MPP2: variants seen among roughly 807,000 people sequenced by gnomAD.
The protein encoded by MPP2 is MAGUK p55 scaffold protein 2, also known as MAGUK p55 subfamily member 2.
Under a neutral mutation model 58.5 loss-of-function variants are expected in MPP2, and 42 were observed. That is an observed-to-expected ratio of 0.72 (90% CI 0.56 to 0.93). The LOEUF (loss-of-function observed/expected upper bound fraction) is 0.93. Ranked by LOEUF, MPP2 falls within the 40% of genes least tolerant of loss-of-function variation. The pLI, the probability that MPP2 is intolerant of heterozygous loss-of-function variation, is 0.00. For synonymous variants in MPP2, 300 were observed against 307.8 expected, an observed-to-expected ratio of 0.97 and a Z score of 0.26; for missense variants, 632 against 760.4, an observed-to-expected ratio of 0.83 and a Z score of 1.99.
chr17:43,880,913 C>A lies in MPP2; in HGVS notation c.989-61G>T. ...CACGGTGAGGGAGGGGCGGAGCTCT[C>A]AGGGAGGCTGAGGGCAAGAGGGCTT... On this transcript the variant is annotated intron_variant, in intron 9 of 12. Coordinates refer to ENST00000269095, the MANE Select transcript of MPP2 (RefSeq NM_005374.5). This position sits in a 1 kb window ranked among gnomAD's most constrained non-coding sequence, Gnocchi z 5.2. 1 of 1,563,852 alleles carries A rather than the reference C, an allele frequency of 6.4e-7. No individual in the cohort carries two copies. Among genetic ancestry groups the A allele is most frequent in the Non-Finnish European group, 8.7e-7 (1 of 1,152,766 alleles).
At chr17:43,878,460 T>C (rs1009184102) in intron 12 of MPP2, among the ~76,000 whole-genome samples, 2 of 152,076 alleles carry the variant, frequency 1.3e-5, no homozygotes, top group African/African-American at 4.8e-5. Flanking sequence ...CTCGACCCAG[T>C]GGAAGCTGGA....
At chr17:43,889,423 C>T (rs190796834) in intron 3 of MPP2, among the ~76,000 whole-genome samples, 2 of 148,950 alleles carry the variant, frequency 1.3e-5, no homozygotes, top group Non-Finnish European at 3.0e-5. Context: ...AGTGCAATGG[C>T]ACAATCTCGG....
In MPP2 at chr17:43,880,072, G is replaced by A. The variant is rs1027492699; in HGVS notation, c.1151-88C>T. On this transcript the variant is annotated intron_variant, in intron 10 of 12. Coordinates refer to ENST00000269095, the MANE Select transcript of MPP2 (RefSeq NM_005374.5). The surrounding 1 kb of genome is among the most constrained non-coding windows in gnomAD (Gnocchi z 5.2). The stretch of plus-strand genomic sequence containing the variant: ...TATATGCACCCCTACCCAGGCCCCC[G>A]TTTCCCAGCCTTGGAGGTGCAGTCT... 5.7e-5 allele frequency: 75 copies of A among 1,318,602 alleles called. No individual in the cohort carries two copies. The highest frequency in any genetic ancestry group is 6.7e-5 in the Non-Finnish European group (63 of 939,778). 81.7% of individuals were successfully genotyped at this position (1,318,602 alleles called of 1,614,324 possible). A position where few individuals can be genotyped will look rare whatever the true frequency, so the allele number is the denominator to read the frequency against.
chr17:43,907,522 C>G lies in MPP2; in HGVS notation c.-82G>C, dbSNP rs1305662537. On this transcript the variant is annotated 5_prime_UTR_variant, in exon 1 of 13. Coordinates refer to ENST00000269095, the MANE Select transcript of MPP2 (RefSeq NM_005374.5). Reference sequence around the variant, plus strand: ...TCCGGGCGGCTCCAGCGCAGCCGGGCGCTCAGCGTTTATTGCTTGTCAATC... The same window carrying G: ...TCCGGGCGGCTCCAGCGCAGCCGGGGGCTCAGCGTTTATTGCTTGTCAATC... The G allele has an allele frequency of 1.0e-6, 1 of 985,400 alleles. No individual in the cohort carries two copies. Among genetic ancestry groups the G allele is most frequent in the African/African-American group, 1.7e-5 (1 of 57,256 alleles). The allele number at this position is 985,400 out of a possible 1,614,324, so 61.0% of individuals were successfully genotyped here.
In MPP2 at chr17:43,882,287, G is replaced by A. The variant is rs770281050; in HGVS notation, c.678C>T (p.Arg226=). The change falls in exon 6 of 13, where the codon CGC becomes CGT. Residue 226 remains arginine (R), a synonymous_variant. Coordinates refer to ENST00000269095, the MANE Select transcript of MPP2 (RefSeq NM_005374.5). ...TTGTGCTGGGTGAGGGGCCCACCTG[G>A]CGGGGCAGATGGGGCTCCTGGTAGC... ...LPSYQEPHLP[R]QVFVKCHFDY... is the part of the protein sequence containing the mutation. The A allele has an allele frequency of 1.2e-6, 2 of 1,609,290 alleles. No homozygotes were observed. The highest frequency in any genetic ancestry group is 2.2e-5 in the South Asian group (2 of 91,032).
chr17:43,881,571 A>G lies in MPP2; in HGVS notation c.700T>C (p.Phe234Leu). The G allele has an allele frequency of 1.2e-6, 2 of 1,613,626 alleles. No homozygotes were observed. Among genetic ancestry groups the G allele is most frequent in the Non-Finnish European group, 1.7e-6 (2 of 1,179,782 alleles). ...LPRQVFVKCH[F>L]DYDPARDSLI... ...CTGTCTCGGGCCGGGTCATAGTCAAAGTGACATTTCACAAATACCTGGGCC... is the reference window on the plus strand; with the variant it reads ...CTGTCTCGGGCCGGGTCATAGTCAAGGTGACATTTCACAAATACCTGGGCC... Residue 234 changes from phenylalanine to leucine, a missense_variant, in exon 7 of 13, where the codon TTT becomes CTT. Phe to Leu is a conservative substitution (Grantham distance 22). Coordinates refer to ENST00000269095, the MANE Select transcript of MPP2 (RefSeq NM_005374.5).
intron 3 of MPP2, among the ~76,000 whole-genome samples, chr17:43,895,248 G>A (rs964694869): frequency 6.6e-6 from 1 of 151,966 alleles, no homozygotes; most frequent in Non-Finnish European, 1.5e-5. Flanking sequence ...TGAGTAGTTG[G>A]GACTACAGGT....
chr17:43,906,284 A>C, intron 1 of MPP2: 2 of 275,228 alleles, frequency 7.3e-6, no homozygotes, highest in Non-Finnish European at 1.1e-5. Context: ...TTGCTCCCCC[A>C]CGCCCGTCCA....
chr17:43,907,268 AT>A (rs1446321206), intron 1 of MPP2: 1 of 984,894 alleles, frequency 1.0e-6, no homozygotes, highest in Non-Finnish European at 1.2e-6. Context: ...ACCAGTGTCA[AT>A]GGGCAGCGGG....
intron 5 of MPP2, 38 bp from the exon 6 acceptor site, chr17:43,882,549 G>T: frequency 6.3e-7 from 1 of 1,582,396 alleles, no homozygotes; most frequent in Non-Finnish European, 8.6e-7. Context: ...GGCCCCAATT[G>T]CTCCAAGTCA....
chr17:43,900,093 A>C (rs1485293422), intron 2 of MPP2, among the ~76,000 whole-genome samples: 3 of 152,174 alleles, frequency 2.0e-5, no homozygotes, highest in Non-Finnish European at 4.4e-5. Flanking sequence ...GAGATGGTTC[A>C]GGGACTCCTG....
At chr17:43,878,930 C>CCAAGCT (rs1240751683) in intron 12 of MPP2, among the ~76,000 whole-genome samples, 6 of 152,192 alleles carry the variant, frequency 3.9e-5, no homozygotes, top group Admixed American at 1.3e-4. Context: ...TGTAAGCAAC[C>CCAAGCT]CAAGCTCACC....
At chr17:43,896,059 T>C (rs1291091961) in intron 3 of MPP2, among the ~76,000 whole-genome samples, 1 of 152,070 alleles carries the variant, frequency 6.6e-6, no homozygotes, top group Admixed American at 6.6e-5. Flanking sequence ...TGGGACGTGG[T>C]CCTCCACATC....
At position 43,883,992 on chromosome 17, in the gene MPP2, A is replaced by C; in HGVS notation, c.151-637T>G. 4.6e-6 allele frequency: 3 copies of C among 658,836 alleles called. No individual in the cohort carries two copies. The South Asian group carries it at 5.2e-5, about 11-fold the overall frequency. The allele number at this position is 658,836 out of a possible 1,614,324, so 40.8% of individuals were successfully genotyped here. On this transcript the variant is annotated intron_variant, in intron 3 of 12. Transcript: ENST00000269095. ...GAGTGTTAGGTTAGATGGGTCAGGAAGAAAAGAATTCCATTTCAATAATAT... is the reference window on the plus strand; with the variant it reads ...GAGTGTTAGGTTAGATGGGTCAGGACGAAAAGAATTCCATTTCAATAATAT...
At chr17:43,878,070 C>G in intron 12 of MPP2, 87 bp from the exon 13 acceptor site, 1 of 1,429,196 alleles carries the variant, frequency 7.0e-7, no homozygotes, top group Non-Finnish European at 9.4e-7. Context: ...CCCCACTCCC[C>G]CTCCCCAAAG....
intron 12 of MPP2, among the ~76,000 whole-genome samples, chr17:43,878,775 A>G (rs2046964512): frequency 6.6e-6 from 1 of 152,188 alleles, no homozygotes; most frequent in Non-Finnish European, 1.5e-5. Flanking sequence ...GCGCAGCAAG[A>G]CATAGGAAGG....
At chr17:43,878,267 ATTCT>A (rs1348764356) in intron 12 of MPP2, among the ~76,000 whole-genome samples, 6 of 152,250 alleles carry the variant, frequency 3.9e-5, no homozygotes, top group Non-Finnish European at 7.3e-5. Context: ...GATAGGATTA[ATTCT>A]TTCCCATTTA....
At position 43,880,110 on chromosome 17, in the gene MPP2, G is replaced by A. The variant is rs1396655511; in HGVS notation, c.1151-126C>T. ...GGAGGTGCAGTCTGCTCCCCATCTT[G>A]CCAGCACTGCTGCCTTTGCACACAC... On this transcript the variant is annotated intron_variant, in intron 10 of 12. Transcript: ENST00000269095. The surrounding 1 kb of genome is among the most constrained non-coding windows in gnomAD (Gnocchi z 5.2). The A allele has an allele frequency of 9.6e-6, 8 of 835,796 alleles. No individual in the cohort carries two copies. The highest frequency in any genetic ancestry group is 1.7e-5 in the African/African-American group (1 of 59,504). The allele number at this position is 835,796 out of a possible 1,614,324, so 51.8% of individuals were successfully genotyped here. A position where few individuals can be genotyped will look rare whatever the true frequency, so the allele number is the denominator to read the frequency against.
intron 3 of MPP2, 148 bp from the exon 4 acceptor site, chr17:43,883,503 C>T: frequency 1.3e-6 from 1 of 779,960 alleles, no homozygotes; most frequent in Non-Finnish European, 2.0e-6. Flanking sequence ...CAATCATACC[C>T]ACACGTGCAC....
Sources: allele counts gnomAD v4.1 joint callset (sites outside exome capture counted in the v4.1 genomes callset), GRCh38; gene constraint gnomAD v4.1.1; non-coding constraint Gnocchi (gnomAD v3.1); transcripts MANE v1.5; gene names NCBI Gene and HGNC (gene_info 2026-07-23, HGNC 2026-07-21).